Variants in KCNA6 observed in about 807,000 individuals in gnomAD.
KCNA6 encodes the protein potassium voltage-gated channel subfamily A member 6.
A neutral mutation model predicts 29.5 loss-of-function variants in KCNA6; 17 were observed. The observed-to-expected ratio is 0.58, with a 90% CI of 0.39 to 0.86. KCNA6 has a LOEUF of 0.86. Ranked by LOEUF, KCNA6 falls within the 40% of genes least tolerant of loss-of-function variation. The pLI, the probability that KCNA6 is intolerant of heterozygous loss-of-function variation, is 0.00. For synonymous variants in KCNA6, 296 were observed against 304.7 expected (o/e 0.97, Z 0.30); for missense variants, 450 against 703.4 (o/e 0.64, Z 4.07).
chr12:4,817,431 A>G (rs1290470772), downstream of KCNA6, among the ~76,000 whole-genome samples: 2 of 152,060 alleles, frequency 1.3e-5, no homozygotes, highest in South Asian at 4.2e-4. Flanking sequence ...TGGGGTTGGG[A>G]ATGGTCATGT....
chr12:4,832,149 TC>T, the KCNA6 span, among the ~76,000 whole-genome samples: 4 of 152,142 alleles, frequency 2.6e-5, no homozygotes, highest in Non-Finnish European at 5.9e-5. Context: ...CTTTTGCTTT[TC>T]TTCAGACCCC....
At chr12:4,832,532 C>T in the KCNA6 span, among the ~76,000 whole-genome samples, 2 of 152,182 alleles carry the variant, frequency 1.3e-5, no homozygotes, top group Non-Finnish European at 2.9e-5. Flanking sequence ...GCTTGTACCT[C>T]TGGCCCCTCT....
chr12:4,823,006 C>T, the KCNA6 span, among the ~76,000 whole-genome samples: 2,237 of 152,234 alleles, frequency 0.015, 33 homozygotes, highest in Non-Finnish European at 0.024. Context: ...AGATAAGAAA[C>T]GTTTTCCTTT....
At chr12:4,813,744 A>G (rs878925291), downstream of KCNA6, 3 of 167,202 alleles carry the variant, frequency 1.8e-5, no homozygotes, top group South Asian at 2.1e-4. Flanking sequence ...GCTGCTGGCT[A>G]TCTGGGGAAA....
chr12:4,842,585 T>A, the KCNA6 span: 3 of 152,150 alleles, frequency 2.0e-5, no homozygotes. Flanking sequence ...AAAGGGTGAA[T>A]GAGAAGCAAC....
chr12:4,830,864 A>G, the KCNA6 span, among the ~76,000 whole-genome samples: 1 of 152,200 alleles, frequency 6.6e-6, no homozygotes, highest in Non-Finnish European at 1.5e-5. Flanking sequence ...GATTCTCCCC[A>G]TGGCCTTTAC....
the KCNA6 span, among the ~76,000 whole-genome samples, chr12:4,844,694 C>G: frequency 6.6e-6 from 1 of 152,134 alleles, no homozygotes; most frequent in East Asian, 1.9e-4. This position sits in a 1 kb window ranked among gnomAD's most constrained non-coding sequence, Gnocchi z 4.0. Flanking sequence ...GACTGTGACT[C>G]TGCATGATGG....
the KCNA6 span, among the ~76,000 whole-genome samples, chr12:4,847,944 C>T: frequency 6.6e-6 from 1 of 152,134 alleles, no homozygotes; most frequent in Non-Finnish European, 1.5e-5. Context: ...TATTCTCCAA[C>T]TGCCTGTTTG....
the KCNA6 span, among the ~76,000 whole-genome samples, chr12:4,837,328 A>T: frequency 2.0e-5 from 3 of 152,192 alleles, no homozygotes; most frequent in Non-Finnish European, 4.4e-5. Flanking sequence ...CCATAAATGT[A>T]AGTAAGTTTC....
At chr12:4,817,439 T>C (rs1946693034), downstream of KCNA6, among the ~76,000 whole-genome samples, 1 of 152,198 alleles carries the variant, frequency 6.6e-6, no homozygotes, top group East Asian at 1.9e-4. Context: ...GGAATGGTCA[T>C]GTTTTTCATG....
At chr12:4,836,797 G>T in the KCNA6 span, among the ~76,000 whole-genome samples, 1 of 152,216 alleles carries the variant, frequency 6.6e-6, no homozygotes, top group East Asian at 1.9e-4. Context: ...CACCCAGTGG[G>T]AGCAGTGTCT....
At chr12:4,845,088 C>T in the KCNA6 span, among the ~76,000 whole-genome samples, 1 of 152,212 alleles carries the variant, frequency 6.6e-6, no homozygotes, top group East Asian at 1.9e-4. Flanking sequence ...TGCTTTCTCT[C>T]TGCCCTGTAC....
the KCNA6 span, among the ~76,000 whole-genome samples, chr12:4,827,529 G>T: frequency 6.6e-6 from 1 of 152,184 alleles, no homozygotes; most frequent in Non-Finnish European, 1.5e-5. Context: ...ACTAGAGGAA[G>T]AAGTCTGTAG....
chr12:4,848,780 C>G, the KCNA6 span, among the ~76,000 whole-genome samples: 1 of 152,232 alleles, frequency 6.6e-6, no homozygotes, highest in East Asian at 1.9e-4. Flanking sequence ...ATTTTAAACT[C>G]TAGATCAGAT....
At chr12:4,836,497 T>A in the KCNA6 span, among the ~76,000 whole-genome samples, 1 of 152,114 alleles carries the variant, frequency 6.6e-6, no homozygotes, top group African/African-American at 2.4e-5. Flanking sequence ...ATAAAATTCT[T>A]AATAAAAGAA....
chr12:4,818,777 T>C, the KCNA6 span, among the ~76,000 whole-genome samples: 480 of 152,246 alleles, frequency 3.2e-3, 3 homozygotes, highest in African/African-American at 0.011. Context: ...CATGCCAGCT[T>C]GTCTCTGATG....
At chr12:4,828,735 A>G in the KCNA6 span, among the ~76,000 whole-genome samples, 1 of 152,164 alleles carries the variant, frequency 6.6e-6, no homozygotes, top group Non-Finnish European at 1.5e-5. Flanking sequence ...CACAGCCAGT[A>G]AGTGGGGTGG....
At chr12:4,837,043 G>A in the KCNA6 span, among the ~76,000 whole-genome samples, 6 of 152,164 alleles carry the variant, frequency 3.9e-5, no homozygotes, top group African/African-American at 1.4e-4. Flanking sequence ...GACCAAGGCA[G>A]GATTATAGGG....
chr12:4,833,786 C>G, the KCNA6 span, among the ~76,000 whole-genome samples: 1 of 152,144 alleles, frequency 6.6e-6, no homozygotes, highest in South Asian at 2.1e-4. Context: ...TTTCCTTAGG[C>G]TGTGGTTAGG....
Sources: allele counts gnomAD v4.1 joint callset (sites outside exome capture counted in the v4.1 genomes callset), GRCh38; gene constraint gnomAD v4.1.1; non-coding constraint Gnocchi (gnomAD v3.1); transcripts MANE v1.5; gene names NCBI Gene and HGNC (gene_info 2026-07-23, HGNC 2026-07-21).